RABGAP1L: variants seen among roughly 807,000 people sequenced by gnomAD.
RABGAP1L encodes the protein RAB GTPase activating protein 1 like, also known as rab GTPase-activating protein 1-like.
In RABGAP1L, 63 loss-of-function variants were observed where a neutral mutation model predicts 137.7. The observed-to-expected ratio is 0.46, with a 90% CI of 0.37 to 0.56. RABGAP1L has a LOEUF of 0.56. Among genes scored for constraint, RABGAP1L ranks in the 20% least tolerant of loss-of-function variants. The pLI is 0.00. For synonymous variants in RABGAP1L, 431 were observed against 433.7 expected (o/e 0.99, Z 0.08); for missense variants, 1,095 against 1,244.0 (o/e 0.88, Z 1.80).
intron 11 of RABGAP1L, 67 bp downstream of exon 11, chr1:174,305,194 G>A: frequency 7.1e-7 from 1 of 1,416,968 alleles, no homozygotes; most frequent in South Asian, 1.7e-5. Flanking sequence ...CTTCAGAGGA[G>A]GTGTGTGTGT....
intron 19 of RABGAP1L, among the ~76,000 whole-genome samples, chr1:174,943,754 AC>A (rs1666274582): frequency 6.6e-6 from 1 of 151,754 alleles, no homozygotes; most frequent in African/African-American, 2.4e-5. Context: ...AAACCCTTGA[AC>A]CCAGGAGGTG....
chr1:174,821,732 T>G (rs1691045861), intron 19 of RABGAP1L, among the ~76,000 whole-genome samples: 1 of 152,242 alleles, frequency 6.6e-6, no homozygotes. Flanking sequence ...AAATAGAGGC[T>G]TTCTTTGAAT....
intron 19 of RABGAP1L, among the ~76,000 whole-genome samples, chr1:174,935,983 C>T (rs1487782680): frequency 1.4e-5 from 1 of 73,536 alleles, no homozygotes; most frequent in Non-Finnish European, 2.5e-5. Context: ...CTCCATCTCA[C>T]CAAAAAAAAA....
At chr1:174,310,732 A>G (rs6693542) in intron 11 of RABGAP1L, among the ~76,000 whole-genome samples, 3,066 of 152,128 alleles carry the variant, frequency 0.02, 110 homozygotes, top group African/African-American at 0.071. Context: ...GTGGACACAT[A>G]GTAGGTGTAT....
At chr1:174,800,508 T>C (rs939184612) in intron 18 of RABGAP1L, 1 of 1,549,950 alleles carries the variant, frequency 6.5e-7, no homozygotes, top group African/African-American at 1.4e-5. Flanking sequence ...GCGGTGAGAT[T>C]GTTTTTCATT....
At chr1:174,967,119 A>G (rs999833771) in intron 20 of RABGAP1L, among the ~76,000 whole-genome samples, 1 of 151,234 alleles carries the variant, frequency 6.6e-6, no homozygotes, top group Non-Finnish European at 1.5e-5. Context: ...TTTCCCCCCT[A>G]CAAGGAAGGC....
chr1:174,569,523 G>T (rs1326779287), intron 13 of RABGAP1L, among the ~76,000 whole-genome samples: 1 of 152,142 alleles, frequency 6.6e-6, no homozygotes, highest in Non-Finnish European at 1.5e-5. Flanking sequence ...AAAATAAGCT[G>T]CTCTCTGGGG....
chr1:174,174,771 G>A (rs1665697406), intron 1 of RABGAP1L, among the ~76,000 whole-genome samples: 1 of 152,192 alleles, frequency 6.6e-6, no homozygotes, highest in Admixed American at 6.5e-5. Context: ...GAGTGAATTT[G>A]CCCTTCCTCT....
intron 11 of RABGAP1L, among the ~76,000 whole-genome samples, chr1:174,349,629 G>A (rs551136743): frequency 0.023 from 3,139 of 134,938 alleles, 18 homozygotes; most frequent in Middle Eastern, 0.044. Context: ...CTGGCCGGGT[G>A]GGGGGCTGAC....
intron 18 of RABGAP1L, chr1:174,800,401 C>T: frequency 6.4e-7 from 1 of 1,550,740 alleles, no homozygotes; most frequent in Non-Finnish European, 8.7e-7. Flanking sequence ...AGTCCCAGGA[C>T]ATGCACGACG....
chr1:174,963,681 G>A (rs1669367216), intron 20 of RABGAP1L, among the ~76,000 whole-genome samples: 1 of 151,754 alleles, frequency 6.6e-6, no homozygotes, highest in Non-Finnish European at 1.5e-5. Context: ...TGGTTTATAG[G>A]CCAAATCTGG....
chr1:174,207,438 C>T (rs1668584540), intron 1 of RABGAP1L, among the ~76,000 whole-genome samples: 1 of 152,082 alleles, frequency 6.6e-6, no homozygotes, highest in Non-Finnish European at 1.5e-5. Context: ...CACACTGCTG[C>T]ATAATAGTAG....
chr1:174,957,421 T>G, intron 19 of RABGAP1L, 36 bp from the exon 20 acceptor site: 1 of 1,532,384 alleles, frequency 6.5e-7, no homozygotes, highest in African/African-American at 1.4e-5. Context: ...ATAAATGGTG[T>G]CCTTGTCTAA....
intron 14 of RABGAP1L, among the ~76,000 whole-genome samples, chr1:174,659,442 A>G (rs1676209986): frequency 6.6e-6 from 1 of 152,168 alleles, no homozygotes; most frequent in Non-Finnish European, 1.5e-5. Flanking sequence ...TGTCAGCACC[A>G]TCGTGCACTG....
chr1:174,601,242 C>T (rs183123155), intron 13 of RABGAP1L, among the ~76,000 whole-genome samples: 4 of 152,198 alleles, frequency 2.6e-5, no homozygotes, highest in African/African-American at 7.2e-5. Flanking sequence ...CTACTTTTTC[C>T]TCCGGGGCCT....
chr1:174,490,766 C>T (rs1340705673), intron 13 of RABGAP1L, among the ~76,000 whole-genome samples: 1 of 152,066 alleles, frequency 6.6e-6, no homozygotes, highest in East Asian at 1.9e-4. Flanking sequence ...TGTACTGTGC[C>T]TGAGCCTAAG....
At chr1:174,651,675 T>G (rs1249969036) in intron 14 of RABGAP1L, among the ~76,000 whole-genome samples, 1 of 152,196 alleles carries the variant, frequency 6.6e-6, no homozygotes, top group African/African-American at 2.4e-5. Flanking sequence ...TTTTTTTGTT[T>G]TCCATTTGCT....
At chr1:174,342,931 G>C (rs1682104396) in intron 11 of RABGAP1L, among the ~76,000 whole-genome samples, 1 of 152,158 alleles carries the variant, frequency 6.6e-6, no homozygotes, top group Non-Finnish European at 1.5e-5. Context: ...TAGAGACAGG[G>C]TTTCACCATG....
At chr1:174,650,996 A>G (rs1296483968) in intron 14 of RABGAP1L, among the ~76,000 whole-genome samples, 3 of 147,898 alleles carry the variant, frequency 2.0e-5, no homozygotes, top group African/African-American at 7.6e-5. Flanking sequence ...CCCTCTACAC[A>G]CTGCTTTGAA....
Sources: allele counts gnomAD v4.1 joint callset (sites outside exome capture counted in the v4.1 genomes callset), GRCh38; gene constraint gnomAD v4.1.1; transcripts MANE v1.5; gene names NCBI Gene and HGNC (gene_info 2026-07-23, HGNC 2026-07-21).